DLGAP1: variants seen among roughly 807,000 people sequenced by gnomAD.
DLGAP1 encodes disks large-associated protein 1.
Under a neutral mutation model 90.8 loss-of-function variants are expected in DLGAP1, and 11 were observed. The ratio of observed to expected loss-of-function variants is 0.12; its 90% CI spans 0.08 to 0.20. DLGAP1 has a LOEUF of 0.20. Ranked by LOEUF, DLGAP1 falls within the 10% of genes least tolerant of loss-of-function variation. The probability of loss-of-function intolerance (pLI) is 1.00; values close to 1 mark genes in which losing one functional copy is unlikely to be tolerated. For missense variants in DLGAP1, 1,050 were observed against 1,333.8 expected (o/e 0.79, Z 3.31); for synonymous variants, 558 against 540.7 (o/e 1.03, Z -0.44).
At chr18:4,329,631 G>C (rs612015) in intron 1 of DLGAP1, among the ~76,000 whole-genome samples, 49,796 of 151,660 alleles carry the variant, frequency 0.33, 8,316 homozygotes, top group African/African-American at 0.39. Flanking sequence ...TCTGTGAAAA[G>C]GGAATATCTC....
chr18:3,856,937 G>A (rs186321727), intron 4 of DLGAP1, among the ~76,000 whole-genome samples: 10 of 152,122 alleles, frequency 6.6e-5, no homozygotes, highest in Admixed American at 5.2e-4. Context: ...TATATAGTAT[G>A]AAGAAAGTGC....
At chr18:3,995,290 A>G (rs2074046205) in intron 3 of DLGAP1, 1 of 152,126 alleles carries the variant, frequency 6.6e-6, no homozygotes, top group African/African-American at 2.4e-5. Context: ...GCTGCAAAGA[A>G]GCCCGGGTGA....
intron 9 of DLGAP1, among the ~76,000 whole-genome samples, chr18:3,563,008 G>A (rs2054230644): frequency 6.6e-6 from 1 of 151,718 alleles, no homozygotes; most frequent in Non-Finnish European, 1.5e-5. Flanking sequence ...TGTATTTTTT[G>A]TAGAGATGGG....
Position 3,855,198 on chromosome 18 carries a change from A to G in DLGAP1, c.957+23914T>C, listed in dbSNP as rs191835585. Reference sequence around the variant, plus strand: ...TGAACTAACACAGGAACAGAAAGCCAAATACTGCATATTCTCACTTAAGCC... The same window carrying G: ...TGAACTAACACAGGAACAGAAAGCCGAATACTGCATATTCTCACTTAAGCC... On this transcript the variant is annotated intron_variant, in intron 4 of 12. Coordinates refer to ENST00000315677, the MANE Select transcript of DLGAP1 (RefSeq NM_004746.4). Among the ~76,000 whole-genome samples, 21 of 152,348 alleles carry G rather than the reference A, an allele frequency of 1.4e-4. No individual in the cohort carries two copies. In the East Asian group the frequency reaches 4.0e-3, roughly 29 times the overall value.
intron 3 of DLGAP1, among the ~76,000 whole-genome samples, chr18:3,995,909 CAAAAGT>C (rs1430365300): frequency 2.6e-5 from 4 of 151,556 alleles, no homozygotes; most frequent in African/African-American, 7.3e-5. Context: ...TGGGTAAAAG[CAAAAGT>C]AAAAGTTTAG....
intron 3 of DLGAP1, among the ~76,000 whole-genome samples, chr18:3,993,947 T>A (rs578216775): frequency 6.6e-6 from 1 of 152,040 alleles, no homozygotes; most frequent in Non-Finnish European, 1.5e-5. Context: ...AAGCCTGACA[T>A]GTGTAAGACT....
intron 3 of DLGAP1, among the ~76,000 whole-genome samples, chr18:3,889,284 A>G (rs2071400845): frequency 6.6e-6 from 1 of 152,208 alleles, no homozygotes; most frequent in Non-Finnish European, 1.5e-5. Flanking sequence ...GAAAAGGAGC[A>G]GTGGAAATAG....
intron 3 of DLGAP1, among the ~76,000 whole-genome samples, chr18:3,910,514 T>A (rs529186186): frequency 6.6e-6 from 1 of 152,160 alleles, no homozygotes; most frequent in African/African-American, 2.4e-5. Context: ...TCAAATTCAA[T>A]AGCCATTTAG....
chr18:4,078,640 T>C (rs1433233953), intron 2 of DLGAP1, among the ~76,000 whole-genome samples: 1 of 152,086 alleles, frequency 6.6e-6, no homozygotes, highest in Non-Finnish European at 1.5e-5. Flanking sequence ...TCAGTGTGAG[T>C]GCTACAGTTT....
chr18:3,906,162 T>C (rs1433337980), intron 3 of DLGAP1, among the ~76,000 whole-genome samples: 1 of 152,214 alleles, frequency 6.6e-6, no homozygotes, highest in Non-Finnish European at 1.5e-5. Context: ...TTAGTCCATC[T>C]TTATAGTAGA....
chr18:4,075,790 G>A (rs960399363), intron 2 of DLGAP1, among the ~76,000 whole-genome samples: 2 of 152,302 alleles, frequency 1.3e-5, no homozygotes, highest in Non-Finnish European at 2.9e-5. Flanking sequence ...ACTGTTTCTC[G>A]TTATAGAGTT....
intron 4 of DLGAP1, among the ~76,000 whole-genome samples, chr18:3,858,557 T>TATAA (rs139351089): frequency 3.0e-4 from 46 of 151,138 alleles, no homozygotes; most frequent in Non-Finnish European, 5.6e-4. Flanking sequence ...TATATATATA[T>TATAA]AAAACACCTG....
At chr18:4,225,721 C>A (rs1309529294) in intron 1 of DLGAP1, among the ~76,000 whole-genome samples, 1 of 151,744 alleles carries the variant, frequency 6.6e-6, no homozygotes, top group Admixed American at 6.6e-5. Flanking sequence ...AATTAGTGAG[C>A]TTGAAAACAG....
chr18:3,580,174 C>T, intron 8 of DLGAP1: 1 of 1,398,602 alleles, frequency 7.2e-7, no homozygotes. Flanking sequence ...CTTTCAGAAA[C>T]CCTGATTTGA....
chr18:4,277,302 C>T (rs1201356779), intron 1 of DLGAP1, among the ~76,000 whole-genome samples: 1 of 152,140 alleles, frequency 6.6e-6, no homozygotes, highest in Non-Finnish European at 1.5e-5. Context: ...CTAAAACTTG[C>T]TTAAAGAATT....
chr18:4,148,103 T>C (rs903752850), intron 2 of DLGAP1, among the ~76,000 whole-genome samples: 33 of 152,142 alleles, frequency 2.2e-4, no homozygotes, highest in Admixed American at 1.0e-3. Context: ...CTAAAAGCCA[T>C]GGCTTCAGGC....
At chr18:3,512,826 G>A (rs1248231541) in intron 10 of DLGAP1, among the ~76,000 whole-genome samples, 2 of 152,218 alleles carry the variant, frequency 1.3e-5, no homozygotes, top group African/African-American at 4.8e-5. Context: ...ATCTACTTAA[G>A]TGGAAGCTAT....
chr18:4,399,652 C>T (rs999397979), intron 1 of DLGAP1, among the ~76,000 whole-genome samples: 3 of 152,196 alleles, frequency 2.0e-5, no homozygotes, highest in Admixed American at 6.5e-5. Flanking sequence ...TCGTTCAGCA[C>T]AATTAATCCC....
intron 6 of DLGAP1, among the ~76,000 whole-genome samples, chr18:3,740,035 C>G (rs572275649): frequency 1.3e-5 from 2 of 152,212 alleles, no homozygotes; most frequent in Admixed American, 1.3e-4. Flanking sequence ...CAGCCAGGGA[C>G]TAAAAACAGT....
Sources: gnomAD v4.1 joint callset for allele counts (sites outside exome capture counted in the v4.1 genomes callset) on GRCh38, gnomAD v4.1.1 for gene constraint, MANE v1.5 for transcripts, NCBI Gene and HGNC (gene_info 2026-07-23, HGNC 2026-07-21) for gene names.